Variants in CEP120 observed in about 807,000 individuals in gnomAD.
CEP120 encodes centrosomal protein 120.
In CEP120, 113 loss-of-function variants were observed where a neutral mutation model predicts 126.5. That is an observed-to-expected ratio of 0.89 (90% confidence interval 0.77 to 1.04). The LOEUF is 1.04. Ranked by LOEUF, CEP120 falls within the 50% of genes least tolerant of loss-of-function variation. CEP120 has a pLI of 0.00. For synonymous variants in CEP120, 400 were observed against 394.3 expected (o/e 1.01, Z -0.17); for missense variants, 1,230 against 1,155.7 (o/e 1.06, Z -0.93).
chr5:123,348,985 C>T (rs1326224908), intron 19 of CEP120, among the ~76,000 whole-genome samples: 1 of 151,972 alleles, frequency 6.6e-6, no homozygotes, highest in African/African-American at 2.4e-5. Flanking sequence ...TTAACCAGTC[C>T]AAGTTAACTA....
intron 18 of CEP120, among the ~76,000 whole-genome samples, chr5:123,359,958 A>G (rs1769950005): frequency 1.3e-5 from 2 of 151,960 alleles, no homozygotes; most frequent in Admixed American, 1.3e-4. Flanking sequence ...ACATTTATTA[A>G]CAATCTAAGA....
chr5:123,423,032 T>C lies in CEP120; in HGVS notation c.-34A>G. ...TGAGCGGTCCGGGGGCGAAGGCGGC[T>C]GGGGGGAAGTGAGGTCCAGTTGAGT... On this transcript the variant is annotated 5_prime_UTR_variant, in exon 1 of 20. Transcript: ENST00000306467. The C allele has an allele frequency of 6.3e-7, 1 of 1,594,326 alleles. No individual in the cohort carries two copies. Among genetic ancestry groups the C allele is most frequent in the Non-Finnish European group, 8.6e-7 (1 of 1,162,596 alleles).
chr5:123,364,450 A>C (rs1431045010), intron 18 of CEP120, 46 bp downstream of exon 18: 1 of 1,314,746 alleles, frequency 7.6e-7, no homozygotes, highest in Non-Finnish European at 1.1e-6. Context: ...ATTTGCAAAG[A>C]AACAAGGGAA....
intron 2 of CEP120, 110 bp from the exon 3 acceptor site, chr5:123,416,234 G>GT: frequency 1.5e-6 from 1 of 671,800 alleles, no homozygotes; most frequent in Admixed American, 2.7e-5. Flanking sequence ...GGATAAAACT[G>GT]TAACTATTTT....
intron 14 of CEP120, among the ~76,000 whole-genome samples, chr5:123,381,375 G>A (rs1771635514): frequency 9.1e-6 from 1 of 109,836 alleles, no homozygotes; most frequent in Non-Finnish European, 2.0e-5. Context: ...GTTATAGAGA[G>A]AAGGAGCACT....
chr5:123,374,774 C>T (rs1562025892), intron 16 of CEP120, among the ~76,000 whole-genome samples: 1 of 152,108 alleles, frequency 6.6e-6, no homozygotes, highest in African/African-American at 2.4e-5. Flanking sequence ...TCTAAAGTCT[C>T]TCACTTTTCT....
chr5:123,370,304 G>T (rs894585741), intron 17 of CEP120, among the ~76,000 whole-genome samples: 2 of 151,900 alleles, frequency 1.3e-5, no homozygotes, highest in Non-Finnish European at 2.9e-5. Context: ...AAGGATTTGA[G>T]TGCTGGATTT....
Position 123,418,423 on chromosome 5 carries a change from C to T in CEP120, c.142G>A (p.Asp48Asn). 1 of 1,612,562 alleles carries T rather than the reference C, an allele frequency of 6.2e-7. No individual in the cohort carries two copies. The highest frequency in any genetic ancestry group is 2.2e-5 in the East Asian group (1 of 44,878). Residue 48 changes from aspartate (D) to asparagine (N), a missense_variant, in exon 2 of 20, where the codon GAC (aspartate) becomes AAC (asparagine). By Grantham distance (23) the Asp-to-Asn change is conservative (BLOSUM62 1). Transcript: ENST00000306467. ...AACTCAGTAGCAAATTCTGGCTGGT[C>T]AGTGTGGTCCACAGGATCAGTAGCC... ...QLATDPVDHT[D>N]QPEFATELAW...
intron 4 of CEP120, among the ~76,000 whole-genome samples, chr5:123,404,291 C>T (rs942205514): frequency 6.6e-6 from 1 of 152,216 alleles, no homozygotes; most frequent in Non-Finnish European, 1.5e-5. Context: ...CACATCCTGA[C>T]TTCACTACGT....
At chr5:123,418,654 T>C (rs955180504) in intron 1 of CEP120, 139 bp from the exon 2 acceptor site, 13 of 655,684 alleles carry the variant, frequency 2.0e-5, no homozygotes, top group Admixed American at 1.1e-4. Context: ...TGGAGTTCAG[T>C]AGCGCAATCT....
intron 17 of CEP120, among the ~76,000 whole-genome samples, chr5:123,368,447 G>A (rs1770625137): frequency 6.6e-6 from 1 of 151,922 alleles, no homozygotes; most frequent in African/African-American, 2.4e-5. Flanking sequence ...AAAGAGAAAT[G>A]GGAAATGTCC....
At chr5:123,386,846 T>C (rs745489354) in intron 9 of CEP120, among the ~76,000 whole-genome samples, 179 bp from the exon 10 acceptor site, 10 of 152,188 alleles carry the variant, frequency 6.6e-5, no homozygotes, top group Non-Finnish European at 1.2e-4. Context: ...TGACGGCACA[T>C]GTCCTACCTT....
At chr5:123,421,187 C>T (rs1028003572) in intron 1 of CEP120, among the ~76,000 whole-genome samples, 3 of 152,188 alleles carry the variant, frequency 2.0e-5, no homozygotes, top group South Asian at 2.1e-4. Flanking sequence ...GGCCTATTCG[C>T]TCCAGTTGTA....
intron 19 of CEP120, among the ~76,000 whole-genome samples, chr5:123,349,416 A>T (rs896929620): frequency 1.3e-5 from 2 of 152,204 alleles, no homozygotes; most frequent in African/African-American, 4.8e-5. Flanking sequence ...GAGCTCATTA[A>T]GAGCTATTGT....
rs1042949780 is a variant in CEP120 at position 123,422,566 on chromosome 5, C to A, written c.49+384G>T. ...ATTGCCTCCGGAACACTTCTGGAAT[C>A]GCAGGAAGCCTGTATTCAAGTCAAA... On this transcript the variant is annotated intron_variant, in intron 1 of 19. Transcript: ENST00000306467. 7.8e-6 allele frequency: 12 copies of A among 1,534,560 alleles called. No homozygotes were observed. The Admixed American group carries it at 1.4e-4, about 18-fold the overall frequency.
chr5:123,388,475 T>A lies in CEP120; in HGVS notation c.1387A>T (p.Ile463Leu). The A allele has an allele frequency of 6.3e-7, 1 of 1,595,052 alleles. No individual in the cohort carries two copies. Among genetic ancestry groups the A allele is most frequent in the Non-Finnish European group, 8.5e-7 (1 of 1,172,782 alleles). The change falls in exon 9 of 20, where the codon ATA becomes TTA. Residue 463 changes from isoleucine to leucine, a missense_variant. Coordinates refer to ENST00000306467, the MANE Select transcript of CEP120 (RefSeq NM_001375405.1). ...HFCFSIDLRS[I>L]HALEIGFPIN... ...GGAAAACCAATCTCCAAGGCATGTA[T>A]ACTCCTTAAGTCTATTGAAAAGCAA...
intron 5 of CEP120, among the ~76,000 whole-genome samples, chr5:123,396,989 CA>C (rs2127084926): frequency 6.6e-6 from 1 of 152,228 alleles, no homozygotes; most frequent in Non-Finnish European, 1.5e-5. Flanking sequence ...TAAATATGAA[CA>C]ATTATGCTTC....
chr5:123,369,920 C>G (rs546641689), intron 17 of CEP120, among the ~76,000 whole-genome samples: 86 of 152,034 alleles, frequency 5.7e-4, no homozygotes, highest in Non-Finnish European at 1.0e-3. Flanking sequence ...AGAAGGTACT[C>G]AATAAATAGC....
chr5:123,384,910 T>C, intron 11 of CEP120, 41 bp downstream of exon 11: 1 of 1,509,022 alleles, frequency 6.6e-7, no homozygotes, highest in Non-Finnish European at 8.9e-7. Context: ...ATTCCATGAA[T>C]TGAAAAGAAA....
Sources: allele counts gnomAD v4.1 joint callset (sites outside exome capture counted in the v4.1 genomes callset), GRCh38; gene constraint gnomAD v4.1.1; transcripts MANE v1.5; gene names NCBI Gene and HGNC (gene_info 2026-07-23, HGNC 2026-07-21).